ENPP7: variants seen among roughly 807,000 people sequenced by gnomAD.
ENPP7 encodes the protein ectonucleotide pyrophosphatase/phosphodiesterase 7, also known as ectonucleotide pyrophosphatase/phosphodiesterase family member 7.
ENPP7 carries 39 observed loss-of-function variants against 33.6 expected under a neutral mutation model. That is an observed-to-expected ratio of 1.16 (90% CI 0.90 to 1.52). ENPP7 has a LOEUF of 1.52. Ranked by LOEUF, ENPP7 falls within the 40% of genes most tolerant of loss-of-function variation. ENPP7 has a pLI of 0.00. For missense variants in ENPP7, 594 were observed against 641.0 expected (o/e 0.93, Z 0.79); for synonymous variants, 244 against 274.3 (o/e 0.89, Z 1.09).
chr17:79,735,551 C>T lies in ENPP7; in HGVS notation c.908C>T (p.Ala303Val). The change falls in exon 3 of 6, where the codon GCC becomes GTC. Residue 303 changes from alanine to valine, a missense_variant. This residue lies in a region of ENPP7 where 504 missense variants were observed against 512.8 expected (regional missense o/e 0.98). Coordinates refer to ENST00000328313, the MANE Select transcript of ENPP7 (RefSeq NM_178543.5). This position sits in a 1 kb window ranked among gnomAD's most constrained non-coding sequence, Gnocchi z 5.5. ...LEKVYDALKD[A>V]HPKLHVYKKE... The stretch of plus-strand genomic sequence containing the variant: ...AAGGTGTACGATGCCCTCAAGGACG[C>T]CCACCCCAAGCTCCACGTCTACAAG... The T allele has an allele frequency of 2.5e-6, 4 of 1,613,892 alleles. No homozygotes were observed. The highest frequency in any genetic ancestry group is 3.4e-6 in the Non-Finnish European group (4 of 1,180,016).
In ENPP7 at chr17:79,737,968, T is replaced by G. The variant is rs2145795569; in HGVS notation, c.1299T>G (p.Ser433=). ...CTACTCTCCTGCCCAAGGGAAGATC[T>G]GCTCTCCCGCCCAGCAGCAGGCCCC... ...GRPTLLPKGR[S]ALPPSSRPLL... Residue 433 remains serine (S), a synonymous_variant, in exon 5 of 6, where the codon TCT becomes TCG. Coordinates refer to ENST00000328313, the MANE Select transcript of ENPP7 (RefSeq NM_178543.5). This position sits in a 1 kb window ranked among gnomAD's most constrained non-coding sequence, Gnocchi z 5.5. The G allele has an allele frequency of 1.2e-6, 2 of 1,613,888 alleles. No individual in the cohort carries two copies. Among genetic ancestry groups the G allele is most frequent in the Non-Finnish European group, 1.7e-6 (2 of 1,180,000 alleles).
In ENPP7 at chr17:79,737,757, T is replaced by C. The variant is rs1294265375; in HGVS notation, c.1247-159T>C. ...AGGGGTGGGCTCTACTGAGCAGGGCTATGAAGGGCCGTGGTGGACAAAGGC... is the reference window on the plus strand; with the variant it reads ...AGGGGTGGGCTCTACTGAGCAGGGCCATGAAGGGCCGTGGTGGACAAAGGC... On this transcript the variant is annotated intron_variant, in intron 4 of 5. Transcript: ENST00000328313. This position sits in a 1 kb window ranked among gnomAD's most constrained non-coding sequence, Gnocchi z 5.5. Among the ~76,000 whole-genome samples the C allele has an allele frequency of 6.6e-6, 1 of 152,104 alleles. No homozygotes were observed. The highest frequency in any genetic ancestry group is 2.4e-5 in the African/African-American group (1 of 41,414).
At chr17:79,732,109 C>CATATATAAATACATAT (rs2094286554) in intron 1 of ENPP7, among the ~76,000 whole-genome samples, 1 of 82,574 alleles carries the variant, frequency 1.2e-5, no homozygotes, top group East Asian at 7.2e-4. Flanking sequence ...TATATATATA[C>CATATATAAATACATAT]ATATATATAT....
In ENPP7 at chr17:79,731,333, G is replaced by A. The variant is rs782122693; in HGVS notation, c.194G>A (p.Arg65His). 98 of 1,613,464 alleles carry A rather than the reference G, an allele frequency of 6.1e-5. 1 individual carries two copies. The highest frequency in any genetic ancestry group is 2.9e-4 in the South Asian group (26 of 91,012). The change falls in exon 1 of 6, where the codon CGC (arginine) becomes CAC (histidine). Residue 65 changes from arginine to histidine, a missense_variant. Coordinates refer to ENST00000328313, the MANE Select transcript of ENPP7 (RefSeq NM_178543.5). ...ATGGCCCGAGACGGGGTGAAGGCAC[G>A]CTACATGACCCCCGCCTTTGTCACC... ...DAMARDGVKA[R>H]YMTPAFVTMT...
At chr17:79,736,457 G>A in intron 3 of ENPP7, among the ~76,000 whole-genome samples, 1 of 152,170 alleles carries the variant, frequency 6.6e-6, no homozygotes, top group East Asian at 1.9e-4. Context: ...ATCTGTGTGT[G>A]CCCTCCACAT....
At chr17:79,736,525 T>C (rs1281107876) in intron 3 of ENPP7, among the ~76,000 whole-genome samples, 1 of 149,238 alleles carries the variant, frequency 6.7e-6, no homozygotes, top group Admixed American at 6.7e-5. Context: ...GACCAGGCAC[T>C]GTGTGATAGG....
At chr17:79,731,576 G>GT (rs1478749611) in intron 1 of ENPP7, among the ~76,000 whole-genome samples, 184 bp downstream of exon 1, 17 of 152,116 alleles carry the variant, frequency 1.1e-4, no homozygotes, top group African/African-American at 3.6e-4. Flanking sequence ...AATGACCAGG[G>GT]GGGTCCTTAA....
rs782668978 is a variant in ENPP7, at chr17:79,731,363, C to T, written c.224C>T (p.Thr75Ile). 1 of 1,611,888 alleles carries T rather than the reference C, an allele frequency of 6.2e-7. No homozygotes were observed. The highest frequency in any genetic ancestry group is 1.7e-5 in the Admixed American group (1 of 59,854). Residue 75 changes from threonine (T) to isoleucine (I), a missense_variant, in exon 1 of 6, where the codon ACC becomes ATC. This residue lies in a region of ENPP7 where 85 missense variants were observed against 111.3 expected (regional missense o/e 0.76). Transcript: ENST00000328313. ...ATGACCCCCGCCTTTGTCACCATGA[C>T]CAGCCCCTGCCACTTCACCCTGGTC... is the stretch of plus-strand genomic sequence containing the variant. ...RYMTPAFVTM[T>I]SPCHFTLVTG...
At chr17:79,731,573 A>AGGGTCATTTAAGGACCAG (rs1555822525) in intron 1 of ENPP7, among the ~76,000 whole-genome samples, 181 bp downstream of exon 1, 2 of 152,044 alleles carry the variant, frequency 1.3e-5, no homozygotes, top group Non-Finnish European at 2.9e-5. Context: ...AAAAATGACC[A>AGGGTCATTTAAGGACCAG]GGGGGGTCCT....
At chr17:79,741,428 A>G (rs1244061771) in intron 5 of ENPP7, among the ~76,000 whole-genome samples, 1 of 152,214 alleles carries the variant, frequency 6.6e-6, no homozygotes, top group African/African-American at 2.4e-5. Flanking sequence ...GCAGAAGACT[A>G]GGGGAAGCTC....
In ENPP7 at chr17:79,731,473, A is replaced by G. The variant is rs1167719235; in HGVS notation, c.253+81A>G. 17 of 1,486,624 alleles carry G rather than the reference A, an allele frequency of 1.1e-5. No individual in the cohort carries two copies. The African/African-American group carries it at 2.2e-4, about 19-fold the overall frequency. The allele number at this position is 1,486,624 out of a possible 1,614,324, so 92.1% of individuals were successfully genotyped here. A position where few individuals can be genotyped will look rare whatever the true frequency, so the allele number is the denominator to read the frequency against. On this transcript the variant is annotated intron_variant, in intron 1 of 5. Coordinates refer to ENST00000328313, the MANE Select transcript of ENPP7 (RefSeq NM_178543.5). ...GCACAGAGCCGTGTCGTGCAGGATA[A>G]AGGGGAGAGGTCCTTGCTCCAGGCA... is the stretch of plus-strand genomic sequence containing the variant.
intron 2 of ENPP7, among the ~76,000 whole-genome samples, chr17:79,734,535 T>C (rs1208182169): frequency 2.7e-5 from 4 of 150,776 alleles, no homozygotes; most frequent in African/African-American, 9.7e-5. Flanking sequence ...TGGAGTGCAG[T>C]GGCGCCATCT....
chr17:79,735,208 G>A lies in ENPP7; in HGVS notation c.565G>A (p.Asp189Asn), dbSNP rs2094293025. Residue 189 changes from aspartate (D) to asparagine (N), a missense_variant, in exon 3 of 6, where the codon GAT (aspartate) becomes AAT (asparagine). Asp to Asn is a conservative substitution (Grantham distance 23). Coordinates refer to ENST00000328313, the MANE Select transcript of ENPP7 (RefSeq NM_178543.5). The surrounding 1 kb of genome is among the most constrained non-coding windows in gnomAD (Gnocchi z 5.5). Reference protein sequence around the residue: ...VMAWFTEEDLDLVTLYFGEPD... With the variant: ...VMAWFTEEDLNLVTLYFGEPD... ...GGCGTGGTTCACAGAGGAGGACCTG[G>A]ATCTGGTCACACTCTACTTCGGGGA... is the stretch of plus-strand genomic sequence containing the variant. The A allele has an allele frequency of 3.1e-6, 5 of 1,613,302 alleles. No homozygotes were observed. The African/African-American group carries it at 4.0e-5, about 13-fold the overall frequency.
Position 79,736,536 on chromosome 17 carries a change from C to CGTGTGT in ENPP7, c.1027-471_1027-466dup, listed in dbSNP as rs58744239. Among the ~76,000 whole-genome samples the CGTGTGT allele has an allele frequency of 5.8e-3, 848 of 146,068 alleles. 9 individuals carry two copies. The highest frequency in any genetic ancestry group is 0.016 in the African/African-American group (639 of 40,206). On this transcript the variant is annotated intron_variant, in intron 3 of 5. Coordinates refer to ENST00000328313, the MANE Select transcript of ENPP7 (RefSeq NM_178543.5). ...TCATGACCAGGCACTGTGTGATAGG[C>CGTGTGT]GTGTGTGTGTGTGTGTGTGTGTGTG...
intron 5 of ENPP7, 43 bp from the exon 6 acceptor site, chr17:79,741,751 C>T: frequency 1.0e-6 from 1 of 983,056 alleles, no homozygotes; most frequent in Non-Finnish European, 1.2e-6. Flanking sequence ...CAGCCTGCCC[C>T]ATCCTCTCCT....
In ENPP7 at chr17:79,741,787, C is replaced by G. The variant is rs1320128802; in HGVS notation, c.*17-7C>G. The G allele has an allele frequency of 5.1e-6, 5 of 985,794 alleles. No homozygotes were observed. The highest frequency in any genetic ancestry group is 3.6e-6 in the Non-Finnish European group (3 of 830,366). The allele number at this position is 985,794 out of a possible 1,614,324, so 61.1% of individuals were successfully genotyped here. On this transcript the variant is annotated splice_region_variant and splice_polypyrimidine_tract_variant and intron_variant, in intron 5 of 5. Coordinates refer to ENST00000328313, the MANE Select transcript of ENPP7 (RefSeq NM_178543.5). ...CCCAGACCAACGCGTGCTGCTTGCT[C>G]TTCCAGGAAGCCGCCGGGAGCTGCC...
Position 79,731,180 on chromosome 17 carries a change from C to T in ENPP7, c.41C>T (p.Thr14Met), listed in dbSNP as rs551448481. 6.6e-5 allele frequency: 106 copies of T among 1,610,944 alleles called. No individual in the cohort carries two copies. Among genetic ancestry groups the T allele is most frequent in the Non-Finnish European group, 7.5e-5 (89 of 1,179,736 alleles). Residue 14 changes from threonine to methionine, a missense_variant, in exon 1 of 6, where the codon ACG (threonine) becomes ATG (methionine). By Grantham distance (81) the Thr-to-Met change is moderately conservative (BLOSUM62 -1). Around this residue, in one of 3 missense-constraint regions of ENPP7, gnomAD observed 85 missense variants for 111.3 expected, o/e 0.76. Transcript: ENST00000328313. ...GTCCTCCTCACTGTGGCTCTGGCCA[C>T]GCTCCTGGCTCCCGGGGCCGGAGCA... is the stretch of plus-strand genomic sequence containing the variant. The part of the protein sequence containing the change: ...PAVLLTVALA[T>M]LLAPGAGAPV...
chr17:79,735,116 G>C lies in ENPP7; in HGVS notation c.473G>C (p.Arg158Pro), dbSNP rs142223203. 1 of 1,613,068 alleles carries C rather than the reference G, an allele frequency of 6.2e-7. No individual in the cohort carries two copies. Reference protein sequence around the residue: ...TYQGVAVTRSRKEGIAHNYKN... With the variant: ...TYQGVAVTRSPKEGIAHNYKN... ...CAAGGGGTGGCTGTGACGCGGAGCC[G>C]GAAAGAAGGCATCGCACACAACTAC... The change falls in exon 3 of 6, where the codon CGG (arginine) becomes CCG (proline). Residue 158 changes from arginine (R) to proline (P), a missense_variant. This residue lies in a region of ENPP7 where 504 missense variants were observed against 512.8 expected (regional missense o/e 0.98). Coordinates refer to ENST00000328313, the MANE Select transcript of ENPP7 (RefSeq NM_178543.5). This position sits in a 1 kb window ranked among gnomAD's most constrained non-coding sequence, Gnocchi z 5.5.
chr17:79,741,858 C>G lies in ENPP7; in HGVS notation c.*81C>G. 1.0e-6 allele frequency: 1 copy of G among 985,690 alleles called. No homozygotes were observed. The highest frequency in any genetic ancestry group is 1.7e-5 in the African/African-American group (1 of 57,342). The allele number at this position is 985,690 out of a possible 1,614,324, so 61.1% of individuals were successfully genotyped here. A position where few individuals can be genotyped will look rare whatever the true frequency, so the allele number is the denominator to read the frequency against. ...TCTCGCTGCGATGCTCTGCTGGTCG[C>G]GGACGGACCCTGCCTCCCCAGCTTA... is the stretch of plus-strand genomic sequence containing the variant. On this transcript the variant is annotated 3_prime_UTR_variant, in exon 6 of 6. Transcript: ENST00000328313.
Sources: gnomAD v4.1 joint callset for allele counts (sites outside exome capture counted in the v4.1 genomes callset) on GRCh38, gnomAD v4.1.1 for gene constraint, gnomAD v4.1.1 regional missense constraint, Gnocchi (gnomAD v3.1) non-coding constraint, MANE v1.5 for transcripts, NCBI Gene and HGNC (gene_info 2026-07-23, HGNC 2026-07-21) for gene names.